Variants in LEMD1 observed in about 807,000 individuals in gnomAD.
LEMD1 encodes the protein LEM domain-containing protein 1.
LEMD1 carries 18 observed loss-of-function variants against 17.4 expected under a neutral mutation model. The observed-to-expected ratio is 1.04, with a 90% confidence interval of 0.72 to 1.54. The LOEUF is 1.54. Among genes scored for constraint, LEMD1 ranks in the 40% most tolerant of loss-of-function variants. The pLI is 0.00. For missense variants in LEMD1, 195 were observed against 210.4 expected, an observed-to-expected ratio of 0.93 and a Z score of 0.45; for synonymous variants, 88 against 77.8, an observed-to-expected ratio of 1.13 and a Z score of -0.69.
Position 205,441,058 on chromosome 1 carries a change from G to C in LEMD1, c.-39+8810C>G, listed in dbSNP as rs1666286286. 1 of 152,800 alleles carries C rather than the reference G, an allele frequency of 6.5e-6. No individual in the cohort carries two copies. The highest frequency in any genetic ancestry group is 6.5e-5 in the Admixed American group (1 of 15,290). 9.5% of individuals were successfully genotyped at this position (152,800 alleles called of 1,614,324 possible). On this transcript the variant is annotated intron_variant, in intron 1 of 3. Coordinates refer to the LEMD1 transcript ENST00000367154. The surrounding 1 kb of genome is among the most constrained non-coding windows in gnomAD (Gnocchi z 4.3). ...CGCCAGGCTGGGGGAACACTCACCAGAGATCTGCAGGGAAAGGCAGGGGAG... is the reference window on the plus strand; with the variant it reads ...CGCCAGGCTGGGGGAACACTCACCACAGATCTGCAGGGAAAGGCAGGGGAG...
chr1:205,400,843 T>TCCCCCCCCCCCCCC (rs58251224), intron 4 of LEMD1, among the ~76,000 whole-genome samples: 1 of 79,684 alleles, frequency 1.3e-5, no homozygotes, highest in Admixed American at 1.5e-4. Flanking sequence ...ATGCTATCCC[T>TCCCCCCCCCCCCCC]CCCCCCCCCC....
chr1:205,442,072 C>T (rs1666304568), intron 1 of LEMD1, among the ~76,000 whole-genome samples: 1 of 152,166 alleles, frequency 6.6e-6, no homozygotes, highest in African/African-American at 2.4e-5. Flanking sequence ...TGCCCCTGGG[C>T]CTATGGAAAG....
At chr1:205,440,388 G>A (rs976623118) in intron 1 of LEMD1, among the ~76,000 whole-genome samples, 1 of 152,230 alleles carries the variant, frequency 6.6e-6, no homozygotes, top group Non-Finnish European at 1.5e-5. Flanking sequence ...GGCCCAGGAG[G>A]ATGCTGGCAG....
chr1:205,445,237 C>T (rs898368045), intron 1 of LEMD1, among the ~76,000 whole-genome samples: 5 of 152,296 alleles, frequency 3.3e-5, no homozygotes, highest in Middle Eastern at 3.4e-3. Flanking sequence ...CCCACCCCTT[C>T]CCCCAAAGCC....
At chr1:205,410,875 G>C (rs1397345261) in intron 4 of LEMD1, among the ~76,000 whole-genome samples, 1 of 147,434 alleles carries the variant, frequency 6.8e-6, no homozygotes, top group African/African-American at 2.5e-5. Context: ...AGAAAGGAAA[G>C]AAAGAAAAGA....
chr1:205,421,286 G>A (rs1665949809), intron 1 of LEMD1, among the ~76,000 whole-genome samples: 1 of 152,112 alleles, frequency 6.6e-6, no homozygotes, highest in South Asian at 2.1e-4. Context: ...TCCCAAAGTT[G>A]ACCCTTCTAC....
intron 4 of LEMD1, among the ~76,000 whole-genome samples, chr1:205,413,763 G>C (rs1665566247): frequency 6.8e-6 from 1 of 146,930 alleles, no homozygotes; most frequent in Admixed American, 6.8e-5. Context: ...AGTGATTCTT[G>C]TGCCTTAGCC....
rs79130115 is a variant in LEMD1 at position 205,443,750 on chromosome 1, C to T, written c.-39+6118G>A. On this transcript the variant is annotated intron_variant, in intron 1 of 3. Transcript: ENST00000367154. ...GCACAACTCCATGCCCCGGAGGCTGCCTGGGCTCTGTCTGCAGCATGCAGA... is the reference window on the plus strand; with the variant it reads ...GCACAACTCCATGCCCCGGAGGCTGTCTGGGCTCTGTCTGCAGCATGCAGA... Among the ~76,000 whole-genome samples, 598 of 152,340 alleles carry T rather than the reference C, an allele frequency of 3.9e-3. 1 individual carries two copies. The highest frequency in any genetic ancestry group is 0.01 in the Middle Eastern group (3 of 294).
intron 1 of LEMD1, among the ~76,000 whole-genome samples, chr1:205,438,313 G>A (rs1395131510): frequency 6.6e-6 from 1 of 152,184 alleles, no homozygotes; most frequent in Non-Finnish European, 1.5e-5. Context: ...CTCACCCCAA[G>A]AGCTCAGGGC....
intron 4 of LEMD1, among the ~76,000 whole-genome samples, chr1:205,404,774 TTGA>T (rs1665011558): frequency 6.6e-6 from 1 of 152,144 alleles, no homozygotes; most frequent in Admixed American, 6.5e-5. Flanking sequence ...TGCTCGTTAG[TTGA>T]TGCAGTTTCT....
intron 4 of LEMD1, 138 bp downstream of exon 4, chr1:205,416,094 G>C (rs924373459): frequency 1.8e-6 from 1 of 541,344 alleles, no homozygotes; most frequent in African/African-American, 2.0e-5. Context: ...GCATTAAAAT[G>C]ATCCTCTTTA....
chr1:205,408,501 T>TC (rs1482920641), intron 4 of LEMD1, among the ~76,000 whole-genome samples: 1 of 111,724 alleles, frequency 9.0e-6, no homozygotes, highest in Admixed American at 9.3e-5. Context: ...TTTCTTTCTT[T>TC]CTTTTTTTTT....
intron 4 of LEMD1, among the ~76,000 whole-genome samples, chr1:205,402,897 G>A (rs1206785055): frequency 4.6e-5 from 7 of 151,112 alleles, no homozygotes; most frequent in Non-Finnish European, 5.9e-5. Context: ...TTTATTGAAA[G>A]TTTTTAGCAT....
At chr1:205,406,460 C>A (rs1460684512) in intron 4 of LEMD1, among the ~76,000 whole-genome samples, 2 of 152,248 alleles carry the variant, frequency 1.3e-5, no homozygotes, top group African/African-American at 2.4e-5. Context: ...TGATCTCAGA[C>A]TGCTGTGCTA....
chr1:205,422,778 A>T (rs1665998617), upstream of LEMD1, among the ~76,000 whole-genome samples: 1 of 152,166 alleles, frequency 6.6e-6, no homozygotes, highest in Non-Finnish European at 1.5e-5. Context: ...AAATTGCAGG[A>T]TAGAGGGAAT....
At chr1:205,386,349 G>C (rs899295239) in intron 4 of LEMD1, 3 of 146,036 alleles carry the variant, frequency 2.1e-5, no homozygotes, top group African/African-American at 7.8e-5. Context: ...TGTCACCCAG[G>C]CTGGAGTGCA....
chr1:205,428,098 GAC>G (rs1408302392), intron 1 of LEMD1, among the ~76,000 whole-genome samples: 1 of 152,248 alleles, frequency 6.6e-6, no homozygotes, highest in African/African-American at 2.4e-5. Context: ...TTTATCCTAA[GAC>G]AGTGGGAGCC....
chr1:205,439,654 A>G (rs1666260919), intron 1 of LEMD1, among the ~76,000 whole-genome samples: 1 of 152,160 alleles, frequency 6.6e-6, no homozygotes, highest in Non-Finnish European at 1.5e-5. Flanking sequence ...ACCTGTCAGA[A>G]GGGCTATTCT....
At chr1:205,434,528 T>C (rs776101946) in intron 1 of LEMD1, among the ~76,000 whole-genome samples, 47 of 152,078 alleles carry the variant, frequency 3.1e-4, no homozygotes, top group Non-Finnish European at 6.5e-4. Flanking sequence ...GATCACATTG[T>C]AGTCCTAAAC....
Sources: gnomAD v4.1 joint callset for allele counts (sites outside exome capture counted in the v4.1 genomes callset) on GRCh38, gnomAD v4.1.1 for gene constraint, Gnocchi (gnomAD v3.1) non-coding constraint, MANE v1.5 for transcripts, NCBI Gene and HGNC (gene_info 2026-07-23, HGNC 2026-07-21) for gene names.